The following PPP2R3B variants were observed in gnomAD, a reference collection of about 807,000 sequenced individuals.
PPP2R3B encodes serine/threonine-protein phosphatase 2A regulatory subunit B'' subunit beta.
Under a neutral mutation model 72.9 loss-of-function variants are expected in PPP2R3B, and 68 were observed. The observed-to-expected ratio is 0.93, with a 90% confidence interval of 0.77 to 1.14. PPP2R3B has a LOEUF of 1.14. Among genes scored for constraint, PPP2R3B ranks in the 50% most tolerant of loss-of-function variants. The pLI is 0.00. For missense variants in PPP2R3B, 1,018 were observed against 842.0 expected (o/e 1.21, Z -2.59); for synonymous variants, 466 against 375.8 (o/e 1.24, Z -2.78).
At chrX:381,540 T>A in intron 1 of PPP2R3B, among the ~76,000 whole-genome samples, 1 of 151,704 alleles carries the variant, frequency 6.6e-6, no homozygotes, top group Non-Finnish European at 1.5e-5. Context: ...CATCCTTCAC[T>A]GTTAACGTGG....
intron 10 of PPP2R3B, 25 bp downstream of exon 10, chrX:340,740 G>T: frequency 6.2e-7 from 1 of 1,608,100 alleles, no homozygotes; most frequent in Non-Finnish European, 8.5e-7. Context: ...CCCTCACCCT[G>T]GGCCATGCCC....
At chrX:359,738 A>G in intron 2 of PPP2R3B, 1 of 424,650 alleles carries the variant, frequency 2.4e-6, no homozygotes, top group South Asian at 1.7e-5. Context: ...AAGAAATGCA[A>G]GAAGTATGTA....
At chrX:349,422 C>T (rs990682974) in intron 2 of PPP2R3B, among the ~76,000 whole-genome samples, 1 of 152,180 alleles carries the variant, frequency 6.6e-6, no homozygotes, top group African/African-American at 2.4e-5. Flanking sequence ...ACGAAACACC[C>T]CAGCTGCTCA....
chrX:378,459 G>C (rs2072046386), intron 1 of PPP2R3B, among the ~76,000 whole-genome samples: 1 of 152,202 alleles, frequency 6.6e-6, no homozygotes, highest in Non-Finnish European at 1.5e-5. Context: ...CCTGCCCTTT[G>C]TGAGAAAAAG....
chrX:356,278 C>T (rs1466545635), intron 2 of PPP2R3B, among the ~76,000 whole-genome samples: 30 of 152,136 alleles, frequency 2.0e-4, no homozygotes, highest in Non-Finnish European at 3.4e-4. Context: ...TGCAGTGGTG[C>T]GATCTTGGCT....
intron 2 of PPP2R3B, among the ~76,000 whole-genome samples, chrX:352,929 G>A (rs1391692060): frequency 6.6e-6 from 1 of 151,408 alleles, no homozygotes. Context: ...GTGGTGGGCT[G>A]TGGCTCGGAG....
intron 7 of PPP2R3B, chrX:345,194 G>A (rs1175911754): frequency 6.7e-6 from 4 of 592,922 alleles, no homozygotes; most frequent in Middle Eastern, 3.3e-4. Flanking sequence ...TGGCCTGCCC[G>A]CCCTTGCTCG....
chrX:339,137 G>C (rs2070982215), intron 10 of PPP2R3B, among the ~76,000 whole-genome samples: 1 of 63,662 alleles, frequency 1.6e-5, no homozygotes, highest in East Asian at 6.0e-4. Flanking sequence ...AGGATGCGTG[G>C]ACTGGGACTA....
In PPP2R3B at chrX:338,605, C is replaced by T. The variant is rs748652316; in HGVS notation, c.1576G>A (p.Gly526Arg). ...EETAGEPWED[G>R]FEAELSPVEQ... Reference sequence around the variant, plus strand: ...CACTCACCCGTCCTCCCCACTCACCCGTCCTCCCAGGGCTCTCCCGCAGTC... The same window carrying T: ...CACTCACCCGTCCTCCCCACTCACCTGTCCTCCCAGGGCTCTCCCGCAGTC... Residue 526 changes from glycine to arginine, a missense_variant and splice_region_variant, in exon 12 of 13, where the codon GGG becomes AGG. By Grantham distance (125) the Gly-to-Arg change is moderately radical. Coordinates refer to ENST00000390665, the MANE Select transcript of PPP2R3B (RefSeq NM_013239.5). 30 of 1,607,602 alleles carry T rather than the reference C, an allele frequency of 1.9e-5. No homozygotes were observed. The highest frequency in any genetic ancestry group is 6.7e-5 in the African/African-American group (5 of 74,770).
In PPP2R3B at chrX:364,494, C is replaced by G. The variant is rs1355543557; in HGVS notation, c.325-2904G>C. Among the ~76,000 whole-genome samples, 19 of 131,128 alleles carry G rather than the reference C, an allele frequency of 1.4e-4. 1 individual carries two copies. In the South Asian group the frequency reaches 1.9e-3, roughly 13 times the overall value. 86.0% of individuals were successfully genotyped at this position (131,128 alleles called of 152,430 possible). ...GACCAGCCTGGGCAACATGGCAAAA[C>G]TTCATCTCTACTAAAAAAAAAAAAA... On this transcript the variant is annotated intron_variant, in intron 1 of 12. Transcript: ENST00000390665.
At position 341,289 on chromosome X, in the gene PPP2R3B, G is replaced by A. The variant is rs2124591965; in HGVS notation, c.1175+18C>T. 6.2e-7 allele frequency: 1 copy of A among 1,611,898 alleles called. No homozygotes were observed. Among genetic ancestry groups the A allele is most frequent in the Non-Finnish European group, 8.5e-7 (1 of 1,179,382 alleles). ...GGCCCCTCCACTGGGACAAACGCAT[G>A]CCGCAGCAGGAACCCACCTGGTCGG... On this transcript the variant is annotated intron_variant, in intron 9 of 12. Transcript: ENST00000390665.
At chrX:351,585 CTGGAG>C (rs2124058567) in intron 2 of PPP2R3B, among the ~76,000 whole-genome samples, 1 of 146,306 alleles carries the variant, frequency 6.8e-6, no homozygotes, top group African/African-American at 2.5e-5. Flanking sequence ...GTTGCCCAGG[CTGGAG>C]TGCAGTGTGT....
chrX:353,911 T>TCACCCAAAGACC (rs1569395206), intron 2 of PPP2R3B, among the ~76,000 whole-genome samples: 2 of 118,686 alleles, frequency 1.7e-5, no homozygotes, highest in African/African-American at 3.3e-5. Flanking sequence ...ACCCAAAGAC[T>TCACCCAAAGACC]GGGGCTCGCC....
In PPP2R3B at chrX:348,581, A is replaced by AAAAAAAAAAAAG. The variant is rs111787156; in HGVS notation, c.511-889_511-888insCTTTTTTTTTTT. Among the ~76,000 whole-genome samples the AAAAAAAAAAAAG allele has an allele frequency of 6.2e-5, 9 of 144,434 alleles. 1 individual carries two copies. Among genetic ancestry groups the AAAAAAAAAAAAG allele is most frequent in the African/African-American group, 5.2e-5 (2 of 38,152 alleles). 94.8% of individuals were successfully genotyped at this position (144,434 alleles called of 152,430 possible). A position where few individuals can be genotyped will look rare whatever the true frequency, so the allele number is the denominator to read the frequency against. On this transcript the variant is annotated intron_variant, in intron 2 of 12. Coordinates refer to ENST00000390665, the MANE Select transcript of PPP2R3B (RefSeq NM_013239.5). ...ACAGAGAGAGACTCTGTCTCAAAAA[A>AAAAAAAAAAAAG]AGAGCAAATACAGATTAGCCATGTC...
At position 341,390 on chromosome X, in the gene PPP2R3B, T is replaced by A; in HGVS notation, c.1092A>T (p.Arg364Ser). Residue 364 changes from arginine to serine, a missense_variant, in exon 9 of 13, where the codon AGA becomes AGT. Transcript: ENST00000390665. ...TGATCTTCCCTTCCTTCTGCACTTT[T>A]CTGCCTCTAGATCGAAAGCCAGGAT... ...RIFSGAVTRG[R>S]KVQKEGKISY... The A allele has an allele frequency of 6.2e-7, 1 of 1,612,650 alleles. No homozygotes were observed. The highest frequency in any genetic ancestry group is 1.1e-5 in the South Asian group (1 of 91,084).
intron 2 of PPP2R3B, among the ~76,000 whole-genome samples, chrX:349,232 C>T (rs998925177): frequency 2.0e-5 from 3 of 152,118 alleles, no homozygotes; most frequent in Admixed American, 1.3e-4. Flanking sequence ...AGAGCTCCCT[C>T]ACCCCTTCCA....
intron 4 of PPP2R3B, 145 bp from the exon 5 acceptor site, chrX:346,920 A>C: frequency 3.3e-6 from 2 of 609,662 alleles, no homozygotes; most frequent in Non-Finnish European, 5.4e-6. Flanking sequence ...GATGAGGCGT[A>C]TGGTGTAGAC....
At chrX:380,092 C>T (rs1436097286) in intron 1 of PPP2R3B, among the ~76,000 whole-genome samples, 1 of 152,188 alleles carries the variant, frequency 6.6e-6, no homozygotes, top group Non-Finnish European at 1.5e-5. Context: ...TGAACTGGAT[C>T]ACAGGCCGAA....
intron 1 of PPP2R3B, among the ~76,000 whole-genome samples, chrX:373,222 C>T (rs2071905179): frequency 1.3e-5 from 2 of 152,226 alleles, no homozygotes; most frequent in African/African-American, 4.8e-5. Flanking sequence ...TGGTTGATCA[C>T]AGCAAGGCGC....
Sources: gnomAD v4.1 joint callset for allele counts (sites outside exome capture counted in the v4.1 genomes callset) on GRCh38, gnomAD v4.1.1 for gene constraint, MANE v1.5 for transcripts, NCBI Gene and HGNC (gene_info 2026-07-23, HGNC 2026-07-21) for gene names.